Variants in KIF5C observed in about 807,000 individuals in gnomAD.
KIF5C encodes the protein kinesin family member 5C, also known as kinesin heavy chain isoform 5C.
In KIF5C, 18 loss-of-function variants were observed where a neutral mutation model predicts 125.2. That is an observed-to-expected ratio of 0.14 (90% CI 0.10 to 0.21). The LOEUF (loss-of-function observed/expected upper bound fraction) is 0.21, where lower values mean the gene tolerates loss of function less well. Among genes scored for constraint, KIF5C ranks in the 10% least tolerant of loss-of-function variants. The pLI is 1.00. For missense variants in KIF5C, 780 were observed against 1,183.8 expected, an observed-to-expected ratio of 0.66 and a Z score of 5.01; for synonymous variants, 405 against 434.0, an observed-to-expected ratio of 0.93 and a Z score of 0.83.
rs1275915732 is a variant in KIF5C, at chr2:148,876,452, G to A, written c.126+709G>A. 6.6e-6 allele frequency among the ~76,000 whole-genome samples: 1 copy of A among 152,130 alleles called. No homozygotes were observed. Among genetic ancestry groups the A allele is most frequent in the African/African-American group, 2.4e-5 (1 of 41,448 alleles). On this transcript the variant is annotated intron_variant, in intron 1 of 25. Transcript: ENST00000435030. The surrounding 1 kb of genome is among the most constrained non-coding windows in gnomAD (Gnocchi z 4.7). ...CTGGGATGACCTCCCTCCCATGTCT[G>A]CAGACCCTCTGATGCGCCTCACGCT...
chr2:148,981,592 T>A (rs763341898), intron 14 of KIF5C, 31 bp downstream of exon 14: 3 of 1,552,456 alleles, frequency 1.9e-6, no homozygotes, highest in Non-Finnish European at 2.6e-6. Flanking sequence ...GGGGTGGGAC[T>A]TCCTTGGCTG....
At chr2:148,977,251 C>T (rs1197734619) in intron 12 of KIF5C, among the ~76,000 whole-genome samples, 6 of 152,230 alleles carry the variant, frequency 3.9e-5, no homozygotes, top group Non-Finnish European at 8.8e-5. Context: ...TTAAAAATCA[C>T]TGCATCCCAG....
At chr2:148,978,815 T>C in intron 12 of KIF5C, 107 bp from the exon 13 acceptor site, 1 of 1,403,434 alleles carries the variant, frequency 7.1e-7, no homozygotes, top group South Asian at 1.7e-5. Flanking sequence ...ACCACACTAT[T>C]CCTTCCTTCT....
intron 25 of KIF5C, among the ~76,000 whole-genome samples, 195 bp downstream of exon 25, chr2:149,011,878 G>A (rs1682218893): frequency 6.6e-6 from 1 of 152,190 alleles, no homozygotes; most frequent in Non-Finnish European, 1.5e-5. Flanking sequence ...TCTAGCTGAG[G>A]CTGTCTGGGG....
At chr2:148,940,987 G>T (rs1039199071) in intron 4 of KIF5C, among the ~76,000 whole-genome samples, 2 of 152,196 alleles carry the variant, frequency 1.3e-5, no homozygotes, top group African/African-American at 4.8e-5. Context: ...GTTCAAACAG[G>T]TTCTTAGGTG....
intron 2 of KIF5C, among the ~76,000 whole-genome samples, chr2:148,927,365 G>C (rs1682043263): frequency 6.6e-6 from 1 of 152,180 alleles, no homozygotes; most frequent in African/African-American, 2.4e-5. Flanking sequence ...AGGGTGGCTA[G>C]CAGAGGTCAG....
At chr2:149,009,233 G>T (rs184391116) in intron 23 of KIF5C, among the ~76,000 whole-genome samples, 1 of 151,776 alleles carries the variant, frequency 6.6e-6, no homozygotes, top group Non-Finnish European at 1.5e-5. Flanking sequence ...CTCGTGATCC[G>T]CCCACCTTGA....
At chr2:149,013,353 G>A (rs1471569433) in intron 25 of KIF5C, among the ~76,000 whole-genome samples, 2 of 152,180 alleles carry the variant, frequency 1.3e-5, no homozygotes, top group Non-Finnish European at 2.9e-5. Flanking sequence ...GCAGAGAAGA[G>A]GCAAAAGCAG....
chr2:148,943,516 G>A (rs114692624), intron 7 of KIF5C, among the ~76,000 whole-genome samples: 420 of 152,302 alleles, frequency 2.8e-3, no homozygotes, highest in African/African-American at 9.7e-3. Context: ...AGGAGGGTGT[G>A]TGGACAATGT....
chr2:148,900,542 A>G (rs58485478), intron 1 of KIF5C, among the ~76,000 whole-genome samples: 29,353 of 152,058 alleles, frequency 0.19, 4,897 homozygotes, highest in African/African-American at 0.45. Context: ...CTCATCCCAC[A>G]CTACCCTCGT....
At chr2:149,011,304 C>A (rs1682188166) in intron 24 of KIF5C, among the ~76,000 whole-genome samples, 1 of 152,172 alleles carries the variant, frequency 6.6e-6, no homozygotes, top group Non-Finnish European at 1.5e-5. Context: ...AACTGAAAAT[C>A]TTTTTTTCTA....
rs968679974 is a variant in KIF5C at position 148,876,844 on chromosome 2, T to G, written c.126+1101T>G. The stretch of plus-strand genomic sequence containing the variant: ...TTAATGGGAGCCTCCCGGTCCCCGC[T>G]GACACGTTCCTGGCAGCCTGCTCCA... On this transcript the variant is annotated intron_variant, in intron 1 of 25. Transcript: ENST00000435030. This position sits in a 1 kb window ranked among gnomAD's most constrained non-coding sequence, Gnocchi z 4.7. Among the ~76,000 whole-genome samples, 3 of 152,188 alleles carry G rather than the reference T, an allele frequency of 2.0e-5. No individual in the cohort carries two copies. The highest frequency in any genetic ancestry group is 4.4e-5 in the Non-Finnish European group (3 of 68,032).
chr2:149,005,019 G>A (rs1681963682), intron 21 of KIF5C, among the ~76,000 whole-genome samples: 1 of 152,066 alleles, frequency 6.6e-6, no homozygotes, highest in South Asian at 2.1e-4. Flanking sequence ...GTATTACATT[G>A]TAACATTTAC....
intron 25 of KIF5C, among the ~76,000 whole-genome samples, chr2:149,013,104 C>T (rs909378874): frequency 2.6e-5 from 4 of 152,152 alleles, no homozygotes; most frequent in Admixed American, 6.5e-5. Flanking sequence ...TGATATTCAT[C>T]GAAGTTTGAA....
intron 21 of KIF5C, among the ~76,000 whole-genome samples, chr2:149,003,984 C>T (rs905553833): frequency 7.9e-5 from 12 of 152,210 alleles, no homozygotes; most frequent in Admixed American, 7.8e-4. Context: ...GGTATCTGGG[C>T]TGAGCTCCCT....
intron 19 of KIF5C, chr2:148,998,769 G>A (rs1029072700): frequency 9.6e-6 from 4 of 416,330 alleles, no homozygotes; most frequent in African/African-American, 2.0e-5. Context: ...GGTCACATAG[G>A]TGATTCCGCT....
At chr2:148,993,215 AG>A (rs1681573078) in intron 16 of KIF5C, among the ~76,000 whole-genome samples, 2 of 152,274 alleles carry the variant, frequency 1.3e-5, no homozygotes, top group South Asian at 4.2e-4. Flanking sequence ...TTAGTGGAGT[AG>A]GGTGTAGCCA....
chr2:148,976,923 T>G (rs746994081), intron 12 of KIF5C, among the ~76,000 whole-genome samples: 1 of 152,202 alleles, frequency 6.6e-6, no homozygotes, highest in African/African-American at 2.4e-5. Flanking sequence ...ATAAAATACT[T>G]TCTGAAAAGT....
intron 17 of KIF5C, 91 bp from the exon 18 acceptor site, chr2:148,997,173 C>A: frequency 2.0e-6 from 3 of 1,507,038 alleles, no homozygotes; most frequent in Non-Finnish European, 2.7e-6. Context: ...CACTCTGTTG[C>A]CATTTTTCTT....
Sources: allele counts gnomAD v4.1 joint callset (sites outside exome capture counted in the v4.1 genomes callset), GRCh38; gene constraint gnomAD v4.1.1; non-coding constraint Gnocchi (gnomAD v3.1); transcripts MANE v1.5; gene names NCBI Gene and HGNC (gene_info 2026-07-23, HGNC 2026-07-21).